FAS: variants seen among roughly 807,000 people sequenced by gnomAD.
FAS encodes tumor necrosis factor receptor superfamily member 6.
In FAS, 5 loss-of-function variants were observed where a neutral mutation model predicts 33.2. The ratio of observed to expected loss-of-function variants is 0.15; its 90% CI spans 0.08 to 0.32. FAS has a LOEUF of 0.32. Ranked by LOEUF, FAS falls within the 10% of genes least tolerant of loss-of-function variation. FAS has a pLI of 1.00. For missense variants in FAS, 339 were observed against 386.0 expected (o/e 0.88, Z 1.02); for synonymous variants, 131 against 130.7 (o/e 1.00, Z -0.01).
intron 7 of FAS, 183 bp downstream of exon 7, chr10:89,012,264 A>C: frequency 1.8e-6 from 1 of 563,462 alleles, no homozygotes. Flanking sequence ...TGCAGCCTCA[A>C]AGTCCTGGGC....
chr10:88,985,295 G>C (rs1846843396), upstream of FAS, among the ~76,000 whole-genome samples: 1 of 152,148 alleles, frequency 6.6e-6, no homozygotes, highest in African/African-American at 2.4e-5. Context: ...AGGACAAGTT[G>C]CTAATTTGGG....
intron 2 of FAS, among the ~76,000 whole-genome samples, chr10:89,003,491 A>G (rs569599482): frequency 2.6e-5 from 4 of 152,192 alleles, no homozygotes; most frequent in Non-Finnish European, 5.9e-5. Flanking sequence ...TGTGAATATG[A>G]AAGCTTATCA....
chr10:89,009,112 C>A, intron 4 of FAS, 115 bp downstream of exon 4: 1 of 975,736 alleles, frequency 1.0e-6, no homozygotes, highest in Non-Finnish European at 1.6e-6. Context: ...CCTGCTTTGC[C>A]TCCAAGCAAC....
rs1848548984 is a variant in FAS, at chr10:89,011,933, A to G, written c.569-66A>G. ...CTTCTTATATTTCTCTTAGTGTGAA[A>G]GTATGTTCTCACATGCATTCTACAA... On this transcript the variant is annotated intron_variant, in intron 6 of 8. Coordinates refer to ENST00000652046, the MANE Select transcript of FAS (RefSeq NM_000043.6). 3.8e-6 allele frequency: 5 copies of G among 1,322,388 alleles called. No homozygotes were observed. The East Asian group carries it at 1.2e-4, about 30-fold the overall frequency. 81.9% of individuals were successfully genotyped at this position (1,322,388 alleles called of 1,614,324 possible).
upstream of FAS, among the ~76,000 whole-genome samples, chr10:88,983,609 CAAAAAAAAAAAAA>C (rs71022549): frequency 1.5e-4 from 7 of 46,430 alleles, no homozygotes; most frequent in Admixed American, 7.2e-4. Flanking sequence ...ACAGGTTATG[CAAAAAAAAAAAAA>C]AAAAAAAAAA....
At position 89,010,737 on chromosome 10, in the gene FAS, A is replaced by G. The variant is rs2133529359; in HGVS notation, c.506-16A>G. On this transcript the variant is annotated splice_polypyrimidine_tract_variant and intron_variant, in intron 5 of 8. Transcript: ENST00000652046. ...TGCTTATTTTCATATAAAATGTCCA[A>G]TGTTCCAACCTACAGGATCCAGATC... 3 of 1,613,998 alleles carry G rather than the reference A, an allele frequency of 1.9e-6. No individual in the cohort carries two copies. The highest frequency in any genetic ancestry group is 2.5e-6 in the Non-Finnish European group (3 of 1,179,938).
At chr10:88,989,661 C>A (rs981734990), upstream of FAS, 2 of 476,840 alleles carry the variant, frequency 4.2e-6, no homozygotes, top group African/African-American at 2.0e-5. Context: ...AGGGCCCAAA[C>A]AGGCTCCAGA....
chr10:88,991,864 G>C (rs1847248985), intron 1 of FAS, among the ~76,000 whole-genome samples: 1 of 152,176 alleles, frequency 6.6e-6, no homozygotes, highest in Non-Finnish European at 1.5e-5. Context: ...TAATCAAAGA[G>C]ACGTGGATCC....
intron 1 of FAS, among the ~76,000 whole-genome samples, chr10:89,001,262 C>CT (rs1847913562): frequency 1.1e-5 from 1 of 92,546 alleles, no homozygotes; most frequent in Middle Eastern, 6.3e-3. Flanking sequence ...CCACTGAATG[C>CT]CTTTTTTTTT....
intron 1 of FAS, among the ~76,000 whole-genome samples, chr10:88,993,257 G>T (rs1847370563): frequency 6.6e-6 from 1 of 151,650 alleles, no homozygotes; most frequent in Non-Finnish European, 1.5e-5. Flanking sequence ...GACAGAAAAA[G>T]AGTCAAACTT....
At chr10:89,008,191 C>G (rs1028449724) in intron 3 of FAS, among the ~76,000 whole-genome samples, 8 of 152,122 alleles carry the variant, frequency 5.3e-5, no homozygotes, top group African/African-American at 1.9e-4. Flanking sequence ...CCTGCAGATA[C>G]AAGGACACAG....
chr10:89,004,329 A>G (rs546913777), intron 2 of FAS, among the ~76,000 whole-genome samples: 54 of 152,312 alleles, frequency 3.5e-4, no homozygotes, highest in African/African-American at 1.2e-3. Flanking sequence ...ATTTGGATAT[A>G]TGAGTCAAAA....
rs1846354593 is a variant in FAS, at chr10:88,968,163, T to C, written n.95-5019T>C. On this transcript the variant is annotated intron_variant and non_coding_transcript_variant, in intron 1 of 3. Transcript: ENST00000688239. ...TTAACTTGTATTTTGCATATTTAATTTGTATTTAAATCGCTAAAAACTGGT... is the reference window on the plus strand; with the variant it reads ...TTAACTTGTATTTTGCATATTTAATCTGTATTTAAATCGCTAAAAACTGGT... Among the ~76,000 whole-genome samples, 3 of 152,194 alleles carry C rather than the reference T, an allele frequency of 2.0e-5. No individual in the cohort carries two copies. The South Asian group carries it at 6.2e-4, about 31-fold the overall frequency.
At chr10:88,967,764 G>A (rs968922321) in intron 1 of FAS, among the ~76,000 whole-genome samples, 1 of 152,188 alleles carries the variant, frequency 6.6e-6, no homozygotes. Flanking sequence ...AATTACATCA[G>A]CAGGTTCAGA....
chr10:88,993,044 C>T (rs898288285), intron 1 of FAS, among the ~76,000 whole-genome samples: 2 of 152,096 alleles, frequency 1.3e-5, no homozygotes, highest in African/African-American at 4.8e-5. Context: ...TTCTGCTTTT[C>T]CCCTCTTCCC....
At chr10:88,972,357 A>G (rs1846466162) in intron 1 of FAS, among the ~76,000 whole-genome samples, 1 of 152,248 alleles carries the variant, frequency 6.6e-6, no homozygotes, top group African/African-American at 2.4e-5. Flanking sequence ...TGTAATAGTA[A>G]TTGATGTCAC....
At chr10:89,007,568 T>G in intron 2 of FAS, 132 bp from the exon 3 acceptor site, 1 of 1,171,226 alleles carries the variant, frequency 8.5e-7, no homozygotes, top group Non-Finnish European at 1.2e-6. Context: ...CCATTGTATT[T>G]ATATCTCATT....
intron 1 of FAS, among the ~76,000 whole-genome samples, chr10:88,997,743 TTCC>T (rs1201128719): frequency 6.6e-6 from 1 of 152,188 alleles, no homozygotes; most frequent in African/African-American, 2.4e-5. Flanking sequence ...GAATTTCTTT[TTCC>T]TCAAGTGTTG....
At chr10:88,979,637 A>T (rs1846660584) in intron 2 of FAS, among the ~76,000 whole-genome samples, 1 of 152,086 alleles carries the variant, frequency 6.6e-6, no homozygotes. Flanking sequence ...AAGTCTACAT[A>T]ACCTGAGAGA....
Sources: gnomAD v4.1 joint callset for allele counts (sites outside exome capture counted in the v4.1 genomes callset) on GRCh38, gnomAD v4.1.1 for gene constraint, MANE v1.5 for transcripts, NCBI Gene and HGNC (gene_info 2026-07-23, HGNC 2026-07-21) for gene names.